CCDC88A: variants seen among roughly 807,000 people sequenced by gnomAD.
CCDC88A encodes girdin.
A neutral mutation model predicts 234.3 loss-of-function variants in CCDC88A; 54 were observed. The observed-to-expected ratio is 0.23, with a 90% confidence interval of 0.19 to 0.29. CCDC88A has a LOEUF of 0.29. CCDC88A is among the 10% of genes least tolerant of loss of function. The pLI, the probability that CCDC88A is intolerant of heterozygous loss-of-function variation, is 1.00. For missense variants in CCDC88A, 1,832 were observed against 2,123.4 expected (o/e 0.86, Z 2.70); for synonymous variants, 753 against 737.8 (o/e 1.02, Z -0.33).
At chr2:55,369,536 C>T (rs1672525979) in intron 5 of CCDC88A, among the ~76,000 whole-genome samples, 1 of 151,602 alleles carries the variant, frequency 6.6e-6, no homozygotes. Context: ...ACTGCAACCT[C>T]CATCTCCCAG....
intron 3 of CCDC88A, among the ~76,000 whole-genome samples, chr2:55,383,410 G>A (rs1392277111): frequency 1.3e-5 from 2 of 151,996 alleles, no homozygotes; most frequent in Non-Finnish European, 2.9e-5. Context: ...CCTGAGGTCA[G>A]GAGTTTGAAA....
intron 2 of CCDC88A, among the ~76,000 whole-genome samples, chr2:55,400,973 A>C (rs1364436475): frequency 6.6e-6 from 1 of 152,236 alleles, no homozygotes; most frequent in African/African-American, 2.4e-5. Context: ...AAATGTGCAT[A>C]AACCAGAATG....
intron 2 of CCDC88A, among the ~76,000 whole-genome samples, chr2:55,409,171 T>C (rs1680065895): frequency 6.6e-6 from 1 of 152,226 alleles, no homozygotes; most frequent in South Asian, 2.1e-4. Flanking sequence ...CTCTTTGTGA[T>C]TTCCTCTTAG....
intron 2 of CCDC88A, among the ~76,000 whole-genome samples, chr2:55,392,846 G>T (rs950877106): frequency 4.0e-5 from 6 of 148,834 alleles, no homozygotes; most frequent in African/African-American, 1.5e-4. Context: ...TCCTTTTGGA[G>T]TCTATTCTGT....
Position 55,334,947 on chromosome 2 carries a change from TCTC to T in CCDC88A, c.1871_1873del (p.Gly624del), listed in dbSNP as rs780420875. 4.5e-6 allele frequency: 7 copies of T among 1,559,162 alleles called. No homozygotes were observed. Among genetic ancestry groups the T allele is most frequent in the East Asian group, 2.3e-5 (1 of 44,218 alleles). ...TTCATTTTCAAGTTCTTCAGCTCGTTCTCCTTTTTCTTTATAATGTTCCAATTC... is the reference window on the plus strand; with the variant it reads ...TTCATTTTCAAGTTCTTCAGCTCGTTCTTTTTCTTTATAATGTTCCAATTC... On this transcript the variant is annotated inframe_deletion, in exon 15 of 33. Coordinates refer to ENST00000436346, the MANE Select transcript of CCDC88A (RefSeq NM_001365480.1). The surrounding 1 kb of genome is among the most constrained non-coding windows in gnomAD (Gnocchi z 6.1).
chr2:55,301,208 T>G lies in CCDC88A; in HGVS notation c.4742A>C (p.His1581Pro). ...SDDSSTGSRV[H>P]ASRPASLDSG... is the part of the protein sequence containing the mutation. Reference sequence around the variant, plus strand: ...CTAAATAAGGTTCATTATCTTACCATGAACTCTTGATCCCGTACTAGAATC... The same window carrying G: ...CTAAATAAGGTTCATTATCTTACCAGGAACTCTTGATCCCGTACTAGAATC... Residue 1581 changes from histidine (H) to proline (P), a missense_variant and splice_region_variant, in exon 28 of 33, where the codon CAT (histidine) becomes CCT (proline). Around this residue, in one of 6 missense-constraint regions of CCDC88A, gnomAD observed 422 missense variants for 416.5 expected, o/e 1.01. Transcript: ENST00000436346. 6.4e-7 allele frequency: 1 copy of G among 1,570,516 alleles called. No individual in the cohort carries two copies. Among genetic ancestry groups the G allele is most frequent in the Non-Finnish European group, 8.7e-7 (1 of 1,143,960 alleles).
In CCDC88A at chr2:55,353,959, G is replaced by A. The variant is rs140615900; in HGVS notation, c.800+1620C>T. Among the ~76,000 whole-genome samples the A allele has an allele frequency of 7.9e-5, 12 of 152,204 alleles. No individual in the cohort carries two copies. The East Asian group carries it at 2.1e-3, about 27-fold the overall frequency. On this transcript the variant is annotated intron_variant, in intron 8 of 32. Coordinates refer to ENST00000436346, the MANE Select transcript of CCDC88A (RefSeq NM_001365480.1). ...TATAGTACTTACACAAATCTAGATG[G>A]TAATAGCCTACTATATACCTAGGCT...
intron 31 of CCDC88A, chr2:55,294,965 C>A: frequency 8.4e-7 from 1 of 1,192,878 alleles, no homozygotes; most frequent in Non-Finnish European, 1.1e-6. Context: ...AAAATAAAAA[C>A]CTAGCCAAAT....
Position 55,299,893 on chromosome 2 carries a change from C to T in CCDC88A, c.4771G>A (p.Gly1591Ser). 6.2e-7 allele frequency: 1 copy of T among 1,613,618 alleles called. No individual in the cohort carries two copies. Among genetic ancestry groups the T allele is most frequent in the Non-Finnish European group, 8.5e-7 (1 of 1,179,740 alleles). The change falls in exon 29 of 33, where the codon GGC becomes AGC. Residue 1591 changes from glycine to serine, a missense_variant. By Grantham distance (56) the Gly-to-Ser change is moderately conservative. Around this residue, in one of 6 missense-constraint regions of CCDC88A, gnomAD observed 422 missense variants for 416.5 expected, o/e 1.01. Coordinates refer to ENST00000436346, the MANE Select transcript of CCDC88A (RefSeq NM_001365480.1). ...TTGCTATTGCTAGTGGATGTTCTGC[C>T]ACTATCAAGGCTGGCTGGTCTTGAA... ...HASRPASLDS[G>S]RTSTSNSNNN...
chr2:55,394,681 A>T (rs1677216335), intron 2 of CCDC88A: 1 of 119,692 alleles, frequency 8.4e-6, no homozygotes. Flanking sequence ...GGGGGGAGGG[A>T]TAGCATTAGG....
At chr2:55,411,433 A>C (rs1053825492) in intron 2 of CCDC88A, among the ~76,000 whole-genome samples, 1 of 152,160 alleles carries the variant, frequency 6.6e-6, no homozygotes, top group Non-Finnish European at 1.5e-5. Context: ...AGGCAATCAC[A>C]ATGGACTTTT....
At position 55,334,721 on chromosome 2, in the gene CCDC88A, A is replaced by G. The variant is rs1685285411; in HGVS notation, c.2100T>C (p.Asp700=). The change falls in exon 15 of 33, where the codon GAT becomes GAC. Residue 700 remains aspartate (D), a synonymous_variant. Coordinates refer to ENST00000436346, the MANE Select transcript of CCDC88A (RefSeq NM_001365480.1). The surrounding 1 kb of genome is among the most constrained non-coding windows in gnomAD (Gnocchi z 6.1). ...ESLEKENSQL[D]EENLELRRNV... The stretch of plus-strand genomic sequence containing the variant: ...TCCTTCGCAGTTCTAAGTTTTCCTC[A>G]TCAAGTTGGGAATTCTCTTTTTCTA... 2 of 1,613,014 alleles carry G rather than the reference A, an allele frequency of 1.2e-6. No individual in the cohort carries two copies. Among genetic ancestry groups the G allele is most frequent in the Non-Finnish European group, 8.5e-7 (1 of 1,179,554 alleles).
chr2:55,394,494 G>A (rs1289131968), intron 2 of CCDC88A: 3 of 151,930 alleles, frequency 2.0e-5, no homozygotes, highest in Non-Finnish European at 4.4e-5. Context: ...CTAGATCTCT[G>A]AGGAATCGCC....
intron 4 of CCDC88A, among the ~76,000 whole-genome samples, chr2:55,372,932 A>G (rs1376383801): frequency 6.6e-6 from 1 of 152,230 alleles, no homozygotes; most frequent in Non-Finnish European, 1.5e-5. Flanking sequence ...CTTAAAACAC[A>G]GATCTTATGA....
chr2:55,305,705 C>T (rs1263837727), intron 25 of CCDC88A, among the ~76,000 whole-genome samples: 3 of 151,952 alleles, frequency 2.0e-5, no homozygotes, highest in Non-Finnish European at 2.9e-5. Context: ...AATAAAATAA[C>T]AATTGTCAGT....
At chr2:55,396,101 T>C (rs1182959280) in intron 2 of CCDC88A, among the ~76,000 whole-genome samples, 1 of 152,190 alleles carries the variant, frequency 6.6e-6, no homozygotes, top group Non-Finnish European at 1.5e-5. Context: ...GTATCTTTTT[T>C]AGTCAGTAAG....
intron 3 of CCDC88A, among the ~76,000 whole-genome samples, chr2:55,384,764 C>A (rs1311279492): frequency 3.3e-5 from 5 of 150,918 alleles, no homozygotes; most frequent in African/African-American, 1.2e-4. Flanking sequence ...TCAAGCAATT[C>A]GTGCGCCTCA....
intron 2 of CCDC88A, among the ~76,000 whole-genome samples, chr2:55,412,213 A>G (rs951387481): frequency 6.6e-6 from 1 of 152,214 alleles, no homozygotes; most frequent in Non-Finnish European, 1.5e-5. Flanking sequence ...CAAAACATCT[A>G]GCCCCTAAAC....
chr2:55,408,928 C>G (rs116470726), intron 2 of CCDC88A, among the ~76,000 whole-genome samples: 1 of 152,084 alleles, frequency 6.6e-6, no homozygotes, highest in East Asian at 1.9e-4. Flanking sequence ...TATTATTCAA[C>G]TATTCAGCTA....
Sources: gnomAD v4.1 joint callset for allele counts (sites outside exome capture counted in the v4.1 genomes callset) on GRCh38, gnomAD v4.1.1 for gene constraint, gnomAD v4.1.1 regional missense constraint, Gnocchi (gnomAD v3.1) non-coding constraint, MANE v1.5 for transcripts, NCBI Gene and HGNC (gene_info 2026-07-23, HGNC 2026-07-21) for gene names.